The following ABCA1 variants were observed in gnomAD, a reference collection of about 807,000 sequenced individuals.
The protein encoded by ABCA1 is phospholipid-transporting ATPase ABCA1.
In ABCA1, 133 loss-of-function variants were observed where a neutral mutation model predicts 262.5. The ratio of observed to expected loss-of-function variants is 0.51; its 90% confidence interval spans 0.44 to 0.59. ABCA1 has a LOEUF of 0.59. Among genes scored for constraint, ABCA1 ranks in the 20% least tolerant of loss-of-function variants. The probability of loss-of-function intolerance (pLI) is 0.00; values close to 1 mark genes in which losing one functional copy is unlikely to be tolerated. For synonymous variants in ABCA1, 1,022 were observed against 1,043.5 expected (o/e 0.98, Z 0.40); for missense variants, 2,452 against 2,777.5 (o/e 0.88, Z 2.63).
chr9:104,784,599 G>A, intron 49 of ABCA1, 144 bp from the exon 50 acceptor site: 1 of 987,082 alleles, frequency 1.0e-6, no homozygotes, highest in Non-Finnish European at 1.5e-6. Flanking sequence ...AACTGTGTGT[G>A]AAGGAGGGAA....
intron 32 of ABCA1, among the ~76,000 whole-genome samples, chr9:104,804,179 T>C (rs1045417687): frequency 6.6e-6 from 1 of 152,208 alleles, no homozygotes; most frequent in African/African-American, 2.4e-5. Flanking sequence ...GGCAGGCTCC[T>C]AAACCTTCCC....
At chr9:104,907,509 G>A (rs1023801078) in intron 1 of ABCA1, among the ~76,000 whole-genome samples, 5 of 152,148 alleles carry the variant, frequency 3.3e-5, no homozygotes, top group Non-Finnish European at 7.4e-5. Context: ...ATTAAGAGAC[G>A]GATAGGAGAA....
At chr9:104,873,711 T>C (rs761893723) in intron 5 of ABCA1, among the ~76,000 whole-genome samples, 5 of 152,178 alleles carry the variant, frequency 3.3e-5, no homozygotes, top group Admixed American at 3.3e-4. Context: ...ATGATGATTG[T>C]AAAAATGCAG....
intron 8 of ABCA1, among the ~76,000 whole-genome samples, chr9:104,844,856 C>T (rs528847623): frequency 6.6e-6 from 1 of 152,296 alleles, no homozygotes; most frequent in Non-Finnish European, 1.5e-5. Context: ...GGAGTGTGCA[C>T]TGGCTGGGAG....
chr9:104,836,313 A>G (rs1375747174), intron 11 of ABCA1, among the ~76,000 whole-genome samples: 1 of 152,212 alleles, frequency 6.6e-6, no homozygotes, highest in African/African-American at 2.4e-5. Context: ...GAGCAGAGAC[A>G]AAAGGAAGAG....
intron 1 of ABCA1, among the ~76,000 whole-genome samples, chr9:104,922,720 AT>A (rs1251083770): frequency 6.6e-6 from 1 of 151,820 alleles, no homozygotes; most frequent in Non-Finnish European, 1.5e-5. Context: ...CAAGGCAGAC[AT>A]TTTTTTTCAA....
rs189826506 is a variant in ABCA1, at chr9:104,783,259, A to C, written c.*1056T>G. On this transcript the variant is annotated 3_prime_UTR_variant, in exon 50 of 50. Transcript: ENST00000374736. ...TTCAGAAGTCACTGATAGAACTTAA[A>C]ATTCCAAATAACATTAAAAAGTACA... 3.5e-4 allele frequency: 54 copies of C among 152,352 alleles called. 1 individual carries two copies. Among genetic ancestry groups the C allele is most frequent in the African/African-American group, 1.3e-3 (54 of 41,576 alleles). 9.4% of individuals were successfully genotyped at this position (152,352 alleles called of 1,614,324 possible). A position where few individuals can be genotyped will look rare whatever the true frequency, so the allele number is the denominator to read the frequency against.
In ABCA1 at chr9:104,831,621, C is replaced by A. The variant is rs1458225715; in HGVS notation, c.1715+1G>T. The A allele has an allele frequency of 6.2e-7, 1 of 1,612,526 alleles. No individual in the cohort carries two copies. The highest frequency in any genetic ancestry group is 8.5e-7 in the Non-Finnish European group (1 of 1,178,926). On this transcript the variant is annotated splice_donor_variant, in intron 13 of 49. Coordinates refer to ENST00000374736, the MANE Select transcript of ABCA1 (RefSeq NM_005502.4). LOFTEE classifies it high-confidence loss of function. ...GGCTGGTGTGATGGGATTCCACTTA[C>A]CCATCCTTGATTTTATTTGTCCTCT...
chr9:104,793,278 T>A lies in ABCA1; in HGVS notation c.5529A>T (p.Pro1843=). 6.2e-7 allele frequency: 1 copy of A among 1,614,044 alleles called. No homozygotes were observed. Among genetic ancestry groups the A allele is most frequent in the Non-Finnish European group, 8.5e-7 (1 of 1,179,992 alleles). ...ERFGENRFVS[P]LSWDLVGRNL... ...TTCGTCCCACCAAGTCCCAAGATAA[T>A]GGTGACACAAAGCGATTCTCCCCTA... Residue 1843 remains proline (P), a synonymous_variant, in exon 41 of 50, where the codon CCA becomes CCT. Transcript: ENST00000374736.
intron 14 of ABCA1, among the ~76,000 whole-genome samples, chr9:104,830,523 C>G (rs1833197249): frequency 6.6e-6 from 1 of 151,962 alleles, no homozygotes; most frequent in Non-Finnish European, 1.5e-5. Context: ...AACCTCGTCT[C>G]TACTAAAATA....
At chr9:104,878,847 G>A (rs1487848897) in intron 5 of ABCA1, among the ~76,000 whole-genome samples, 1 of 152,164 alleles carries the variant, frequency 6.6e-6, no homozygotes, top group African/African-American at 2.4e-5. Flanking sequence ...AATCACCTGT[G>A]TATAGTCCAG....
At chr9:104,911,746 C>T (rs1841512023) in intron 1 of ABCA1, among the ~76,000 whole-genome samples, 1 of 152,136 alleles carries the variant, frequency 6.6e-6, no homozygotes, top group Non-Finnish European at 1.5e-5. Context: ...GCAGAAGGGT[C>T]ATGGGCTGGT....
chr9:104,891,426 T>C (rs1437812170), intron 2 of ABCA1, among the ~76,000 whole-genome samples: 2 of 150,338 alleles, frequency 1.3e-5, no homozygotes, highest in Non-Finnish European at 1.5e-5. Context: ...TGAAACGCTG[T>C]GTCTACTAAA....
At position 104,817,920 on chromosome 9, in the gene ABCA1, T is replaced by C. The variant is rs1204269050; in HGVS notation, c.3463-516A>G. Reference sequence around the variant, plus strand: ...TAAAAGGTAAATAAGTGGATAGGAGTTTCAGGTTGGGATGTAAATACATTA... The same window carrying C: ...TAAAAGGTAAATAAGTGGATAGGAGCTTCAGGTTGGGATGTAAATACATTA... On this transcript the variant is annotated intron_variant, in intron 23 of 49. Transcript: ENST00000374736. The surrounding 1 kb of genome is among the most constrained non-coding windows in gnomAD (Gnocchi z 4.7). 6.6e-6 allele frequency among the ~76,000 whole-genome samples: 1 copy of C among 151,986 alleles called. No individual in the cohort carries two copies. The highest frequency in any genetic ancestry group is 1.5e-5 in the Non-Finnish European group (1 of 68,000).
intron 8 of ABCA1, among the ~76,000 whole-genome samples, chr9:104,841,513 C>A (rs1318431579): frequency 6.6e-6 from 1 of 152,122 alleles, no homozygotes; most frequent in Non-Finnish European, 1.5e-5. Flanking sequence ...AGCTTACAGC[C>A]TTTGAAAAGT....
chr9:104,784,790 C>T (rs111387588), intron 49 of ABCA1, among the ~76,000 whole-genome samples: 14 of 152,106 alleles, frequency 9.2e-5, no homozygotes, highest in Admixed American at 2.6e-4. Context: ...ACTACAAGTG[C>T]GCACCACCAT....
Position 104,814,484 on chromosome 9 carries a change from T to C in ABCA1, c.3739-9A>G. The C allele has an allele frequency of 1.2e-6, 2 of 1,613,552 alleles. No individual in the cohort carries two copies. The highest frequency in any genetic ancestry group is 1.7e-6 in the Non-Finnish European group (2 of 1,179,676). On this transcript the variant is annotated splice_polypyrimidine_tract_variant and intron_variant, in intron 25 of 49. Coordinates refer to ENST00000374736, the MANE Select transcript of ABCA1 (RefSeq NM_005502.4). Reference sequence around the variant, plus strand: ...GCCACCTTGAGGAATATCTGGAAAATGAGAGAGATGAGAACATTATAAGCA... The same window carrying C: ...GCCACCTTGAGGAATATCTGGAAAACGAGAGAGATGAGAACATTATAAGCA...
intron 46 of ABCA1, among the ~76,000 whole-genome samples, chr9:104,787,290 CA>C (rs1829013597): frequency 6.6e-6 from 1 of 151,510 alleles, no homozygotes; most frequent in Admixed American, 6.6e-5. Context: ...TAAGTATATA[CA>C]AAACAACTTT....
chr9:104,883,234 A>C, intron 4 of ABCA1, 77 bp from the exon 5 acceptor site: 6 of 1,294,852 alleles, frequency 4.6e-6, no homozygotes, highest in Non-Finnish European at 6.7e-6. Flanking sequence ...GTGACTGCCA[A>C]GTGCATAGAA....
Sources: allele counts gnomAD v4.1 joint callset (sites outside exome capture counted in the v4.1 genomes callset), GRCh38; gene constraint gnomAD v4.1.1; non-coding constraint Gnocchi (gnomAD v3.1); transcripts MANE v1.5; gene names NCBI Gene and HGNC (gene_info 2026-07-23, HGNC 2026-07-21).